COG5: variants seen among roughly 807,000 people sequenced by gnomAD.
The protein encoded by COG5 is component of oligomeric golgi complex 5.
In COG5, 86 loss-of-function variants were observed where a neutral mutation model predicts 110.4. The observed-to-expected ratio is 0.78, with a 90% confidence interval of 0.65 to 0.93. COG5 has a LOEUF of 0.93. COG5 is among the 40% of genes least tolerant of loss of function. COG5 has a pLI of 0.00. For synonymous variants in COG5, 360 were observed against 334.6 expected (o/e 1.08, Z -0.83); for missense variants, 1,077 against 987.0 (o/e 1.09, Z -1.22).
At chr7:107,519,646 C>A (rs1419893432) in intron 6 of COG5, among the ~76,000 whole-genome samples, 1 of 152,090 alleles carries the variant, frequency 6.6e-6, no homozygotes, top group Non-Finnish European at 1.5e-5. Context: ...AATTGAGGCA[C>A]TAATTAATAG....
chr7:107,545,836 T>C (rs1256404450), intron 5 of COG5, among the ~76,000 whole-genome samples: 1 of 151,412 alleles, frequency 6.6e-6, no homozygotes, highest in Non-Finnish European at 1.5e-5. Flanking sequence ...CAAATCAATT[T>C]TGAAACAACA....
intron 6 of COG5, among the ~76,000 whole-genome samples, chr7:107,507,676 C>A (rs923815821): frequency 1.3e-5 from 2 of 151,902 alleles, no homozygotes; most frequent in Non-Finnish European, 1.5e-5. Flanking sequence ...TTAATTACTT[C>A]AGTAATTAAT....
At chr7:107,351,992 C>T (rs1437994302) in intron 10 of COG5, among the ~76,000 whole-genome samples, 1 of 145,448 alleles carries the variant, frequency 6.9e-6, no homozygotes, top group Admixed American at 6.9e-5. Flanking sequence ...AATCACGCTG[C>T]TATAAAGACA....
At chr7:107,494,561 C>G (rs1676320387) in intron 6 of COG5, among the ~76,000 whole-genome samples, 1 of 152,110 alleles carries the variant, frequency 6.6e-6, no homozygotes, top group Non-Finnish European at 1.5e-5. Context: ...ACAGCAACAT[C>G]AATAGGATAT....
At chr7:107,399,808 TA>T (rs1791294210) in intron 7 of COG5, among the ~76,000 whole-genome samples, 1 of 152,174 alleles carries the variant, frequency 6.6e-6, no homozygotes, top group African/African-American at 2.4e-5. Context: ...ATTAAGCAGT[TA>T]AAAAGTTTGT....
At chr7:107,275,453 CTT>C (rs756754231) in intron 14 of COG5, among the ~76,000 whole-genome samples, 3 of 145,392 alleles carry the variant, frequency 2.1e-5, no homozygotes, top group South Asian at 2.2e-4. Flanking sequence ...TGCCTTTGAT[CTT>C]TTTTTTTTTG....
In COG5 at chr7:107,297,018, G is replaced by A. The variant is rs139508334; in HGVS notation, c.1313+1124C>T. On this transcript the variant is annotated intron_variant, in intron 12 of 21. Transcript: ENST00000297135. The stretch of plus-strand genomic sequence containing the variant: ...TTCAATTTTGGAGGAAAAGCTGGGC[G>A]GGCTAAACTTGCTGAGATGGTATAC... Among the ~76,000 whole-genome samples the A allele has an allele frequency of 1.7e-3, 257 of 152,256 alleles. 1 individual carries two copies. Among genetic ancestry groups the A allele is most frequent in the African/African-American group, 5.5e-3 (230 of 41,560 alleles).
chr7:107,295,204 T>C (rs1207453161), intron 12 of COG5, among the ~76,000 whole-genome samples: 3 of 146,716 alleles, frequency 2.0e-5, no homozygotes, highest in Non-Finnish European at 3.0e-5. Flanking sequence ...CCCAAAGTGC[T>C]TGGATTATAG....
At chr7:107,544,639 G>A (rs1802284979) in intron 5 of COG5, among the ~76,000 whole-genome samples, 1 of 152,208 alleles carries the variant, frequency 6.6e-6, no homozygotes, top group Admixed American at 6.5e-5. Context: ...AGGATCTCTG[G>A]TCAGGCTAAT....
Position 107,501,989 on chromosome 7 carries a change from C to T in COG5, c.538+25248G>A, listed in dbSNP as rs147714630. Among the ~76,000 whole-genome samples, 731 of 152,116 alleles carry T rather than the reference C, an allele frequency of 4.8e-3. 3 individuals are homozygous for T. The highest frequency in any genetic ancestry group is 6.6e-3 in the Non-Finnish European group (450 of 67,932). On this transcript the variant is annotated intron_variant, in intron 6 of 21. Coordinates refer to ENST00000297135, the MANE Select transcript of COG5 (RefSeq NM_006348.5). ...CTTCAGACTCACAATAAAGGGAAAA[C>T]GAGAAACAGTTTCATGGTATTTTTT...
chr7:107,475,313 A>G (rs1449488940), intron 6 of COG5: 1 of 1,577,104 alleles, frequency 6.3e-7, no homozygotes, highest in Non-Finnish European at 8.6e-7. Flanking sequence ...ACCTTTGAAG[A>G]TAGTGAAATA....
At chr7:107,322,164 A>G (rs962261661) in intron 11 of COG5, among the ~76,000 whole-genome samples, 1 of 152,222 alleles carries the variant, frequency 6.6e-6, no homozygotes, top group African/African-American at 2.4e-5. Flanking sequence ...TCATATGTTG[A>G]AACCTACTCA....
intron 18 of COG5, among the ~76,000 whole-genome samples, chr7:107,234,139 CA>C (rs1437844283): frequency 1.3e-5 from 2 of 152,164 alleles, no homozygotes; most frequent in South Asian, 2.1e-4. Flanking sequence ...ACACACTGTA[CA>C]GGGGTGAACA....
At chr7:107,320,698 A>C (rs1034611319) in intron 11 of COG5, among the ~76,000 whole-genome samples, 2 of 152,194 alleles carry the variant, frequency 1.3e-5, no homozygotes, top group African/African-American at 4.8e-5. Context: ...TAAGTACGGA[A>C]AGAGAGATCA....
chr7:107,506,799 G>C (rs1252183563), intron 6 of COG5, among the ~76,000 whole-genome samples: 3 of 152,204 alleles, frequency 2.0e-5, no homozygotes, highest in Non-Finnish European at 4.4e-5. Flanking sequence ...CCTAGCTTGT[G>C]GCTACAGGAC....
intron 8 of COG5, among the ~76,000 whole-genome samples, chr7:107,362,947 G>A (rs891248383): frequency 2.0e-5 from 3 of 152,048 alleles, no homozygotes; most frequent in East Asian, 3.9e-4. Flanking sequence ...CTTACAGAAC[G>A]CTGACTTTAG....
chr7:107,532,632 G>T (rs1039528760), intron 5 of COG5, among the ~76,000 whole-genome samples: 2 of 151,998 alleles, frequency 1.3e-5, no homozygotes, highest in Non-Finnish European at 2.9e-5. Flanking sequence ...AGAAGTAGAG[G>T]ATTTAGCCTT....
At chr7:107,217,327 T>G (rs951369977) in intron 19 of COG5, among the ~76,000 whole-genome samples, 3 of 152,116 alleles carry the variant, frequency 2.0e-5, no homozygotes, top group African/African-American at 7.2e-5. Flanking sequence ...AAAGAAGAGC[T>G]AATACCAATC....
intron 11 of COG5, among the ~76,000 whole-genome samples, chr7:107,298,900 T>G (rs932724624): frequency 2.0e-5 from 3 of 152,154 alleles, no homozygotes; most frequent in Non-Finnish European, 4.4e-5. Flanking sequence ...AAAAGAATCC[T>G]CAAATATTTG....
Sources: allele counts gnomAD v4.1 joint callset (sites outside exome capture counted in the v4.1 genomes callset), GRCh38; gene constraint gnomAD v4.1.1; transcripts MANE v1.5; gene names NCBI Gene and HGNC (gene_info 2026-07-23, HGNC 2026-07-21).